Variants in CSMD2 observed in about 807,000 individuals in gnomAD.
CSMD2 encodes CUB and Sushi multiple domains 2.
Under a neutral mutation model 398.5 loss-of-function variants are expected in CSMD2, and 130 were observed. That is an observed-to-expected ratio of 0.33 (90% CI 0.28 to 0.38). CSMD2 has a LOEUF of 0.38. CSMD2 is among the 10% of genes least tolerant of loss of function. The pLI, the probability that CSMD2 is intolerant of heterozygous loss-of-function variation, is 1.00. For missense variants in CSMD2, 3,829 were observed against 4,764.9 expected, an observed-to-expected ratio of 0.80 and a Z score of 5.78; for synonymous variants, 1,828 against 1,908.5, an observed-to-expected ratio of 0.96 and a Z score of 1.10.
Position 33,709,115 on chromosome 1 carries a change from C to T in CSMD2, c.3550G>A (p.Glu1184Lys), listed in dbSNP as rs771073052. The change falls in exon 22 of 71, where the codon GAA (glutamate) becomes AAA (lysine). Residue 1184 changes from glutamate (E) to lysine (K), a missense_variant. By Grantham distance (56) the Glu-to-Lys change is moderately conservative. This residue lies in a region of CSMD2 where 2,001 missense variants were observed against 2,567.1 expected (regional missense o/e 0.78). Coordinates refer to ENST00000373381, the MANE Select transcript of CSMD2 (RefSeq NM_001281956.2). ...TTGAGGACATCTCCTTCGGAGAGTT[C>T]GAATGCCCTGGCTTTCAGCTGAATT... ...KGIQLKARAF[E>K]LSEGDVLKVY... 4.3e-6 allele frequency: 7 copies of T among 1,613,542 alleles called. No individual in the cohort carries two copies. Among genetic ancestry groups the T allele is most frequent in the Non-Finnish European group, 4.2e-6 (5 of 1,179,802 alleles).
intron 4 of CSMD2, among the ~76,000 whole-genome samples, chr1:33,919,664 T>C (rs1238364512): frequency 1.3e-5 from 2 of 152,158 alleles, no homozygotes; most frequent in African/African-American, 4.8e-5. Flanking sequence ...AAAAGCTTGA[T>C]TTCCTCTCTG....
At chr1:33,879,577 G>T (rs183005190) in intron 5 of CSMD2, among the ~76,000 whole-genome samples, 1 of 152,186 alleles carries the variant, frequency 6.6e-6, no homozygotes, top group Non-Finnish European at 1.5e-5. Flanking sequence ...AAAAATGCCA[G>T]TCCTGATGAG....
chr1:33,635,155 T>G lies in CSMD2; in HGVS notation c.5086+59A>C. 9.3e-7 allele frequency: 1 copy of G among 1,075,290 alleles called. No homozygotes were observed. Among genetic ancestry groups the G allele is most frequent in the Non-Finnish European group, 1.4e-6 (1 of 706,280 alleles). 66.6% of individuals were successfully genotyped at this position (1,075,290 alleles called of 1,614,324 possible). On this transcript the variant is annotated intron_variant, in intron 31 of 70. Coordinates refer to ENST00000373381, the MANE Select transcript of CSMD2 (RefSeq NM_001281956.2). The surrounding 1 kb of genome is among the most constrained non-coding windows in gnomAD (Gnocchi z 5.0). The stretch of plus-strand genomic sequence containing the variant: ...TGGGAGGCGTCTGAGGAATTGCTCA[T>G]TTTGGAATGAGGGTGAGGAGTCAGA...
Position 33,523,568 on chromosome 1 carries a change from G to A in CSMD2, c.10397-149C>T, listed in dbSNP as rs1654501881. ...CTCCACATCCCTTTAAGTCGTAAGT[G>A]TAGTGTTGAGTGTGGGTTTGTGTAG... On this transcript the variant is annotated intron_variant, in intron 66 of 70. Transcript: ENST00000373381. 8 of 588,492 alleles carry A rather than the reference G, an allele frequency of 1.4e-5. No homozygotes were observed. In the East Asian group the frequency reaches 2.3e-4, roughly 17 times the overall value. The allele number at this position is 588,492 out of a possible 1,614,324, so 36.5% of individuals were successfully genotyped here. A position where few individuals can be genotyped will look rare whatever the true frequency, so the allele number is the denominator to read the frequency against.
chr1:33,782,641 G>A, intron 12 of CSMD2, among the ~76,000 whole-genome samples: 1 of 152,070 alleles, frequency 6.6e-6, no homozygotes, highest in Non-Finnish European at 1.5e-5. Flanking sequence ...GAATTGAGAG[G>A]GTGCTGAGGA....
chr1:34,011,783 AG>A (rs1290137327), intron 3 of CSMD2, among the ~76,000 whole-genome samples: 1 of 152,180 alleles, frequency 6.6e-6, no homozygotes, highest in African/African-American at 2.4e-5. Context: ...TATTGACTAT[AG>A]TTACCCTGTT....
intron 2 of CSMD2, among the ~76,000 whole-genome samples, chr1:34,074,776 T>C (rs1656130589): frequency 6.6e-6 from 1 of 151,960 alleles, no homozygotes; most frequent in South Asian, 2.1e-4. Flanking sequence ...GGTGAATGCA[T>C]GGTAATCTGA....
In CSMD2 at chr1:33,633,402, A is replaced by G; in HGVS notation, c.5200+20T>C. On this transcript the variant is annotated intron_variant, in intron 32 of 70. Transcript: ENST00000373381. The surrounding 1 kb of genome is among the most constrained non-coding windows in gnomAD (Gnocchi z 5.0). ...GCCCCCGGCCCACAACCATCCCCAC[A>G]CTGGCCGAGCCCCGGATACCTGTAT... The G allele has an allele frequency of 6.5e-7, 1 of 1,533,600 alleles. No individual in the cohort carries two copies. The highest frequency in any genetic ancestry group is 8.8e-7 in the Non-Finnish European group (1 of 1,131,836). 95.0% of individuals were successfully genotyped at this position (1,533,600 alleles called of 1,614,324 possible).
chr1:34,069,118 A>AC (rs1299931387), intron 2 of CSMD2, among the ~76,000 whole-genome samples: 1 of 151,912 alleles, frequency 6.6e-6, no homozygotes, highest in Non-Finnish European at 1.5e-5. Flanking sequence ...TTCATCTTGC[A>AC]CCCCCCAGGG....
At chr1:33,565,448 A>G (rs1440704808) in intron 53 of CSMD2, among the ~76,000 whole-genome samples, 1 of 152,188 alleles carries the variant, frequency 6.6e-6, no homozygotes, top group Admixed American at 6.5e-5. Context: ...ACCACACACA[A>G]AACCTTATAT....
At chr1:34,022,972 C>T (rs139435542) in intron 3 of CSMD2, among the ~76,000 whole-genome samples, 35 of 152,234 alleles carry the variant, frequency 2.3e-4, no homozygotes, top group African/African-American at 6.5e-4. Context: ...GGTAGGGCTA[C>T]GGGTACATAC....
chr1:33,873,819 A>T (rs1640641594), intron 5 of CSMD2: 1 of 152,220 alleles, frequency 6.6e-6, no homozygotes, highest in Non-Finnish European at 1.5e-5. Flanking sequence ...TAAGCTTTGG[A>T]GTAATATGTG....
chr1:33,600,646 T>G, intron 44 of CSMD2: 1 of 583,402 alleles, frequency 1.7e-6, no homozygotes, highest in Non-Finnish European at 3.0e-6. Context: ...GCCCTGGCAG[T>G]GTGGAATAGG....
rs1646978869 is a variant in CSMD2 at position 33,739,227 on chromosome 1, A to C, written c.2281T>G (p.Phe761Val). The C allele has an allele frequency of 1.2e-6, 2 of 1,614,216 alleles. No individual in the cohort carries two copies. The highest frequency in any genetic ancestry group is 1.7e-6 in the Non-Finnish European group (2 of 1,180,038). The change falls in exon 15 of 71, where the codon TTC becomes GTC. Residue 761 changes from phenylalanine (F) to valine (V), a missense_variant. By Grantham distance (50) the Phe-to-Val change is conservative (BLOSUM62 -1). Transcript: ENST00000373381. ...GTCTCTGAGCCCTGAGTCCCAAGGA[A>C]GCCTTCATCACAGAGGAAGGAGATG... Reference protein sequence around the residue: ...SSISFLCDEGFLGTQGSETIT... With the variant: ...SSISFLCDEGVLGTQGSETIT...
chr1:33,779,908 G>T (rs1652495031), intron 12 of CSMD2, among the ~76,000 whole-genome samples: 1 of 152,178 alleles, frequency 6.6e-6, no homozygotes, highest in African/African-American at 2.4e-5. Context: ...GAGGCATGAT[G>T]GGGGAGGATG....
chr1:33,761,116 T>C (rs1649764038), intron 13 of CSMD2, among the ~76,000 whole-genome samples: 1 of 152,192 alleles, frequency 6.6e-6, no homozygotes, highest in Admixed American at 6.5e-5. Context: ...GGAGAGGCAC[T>C]GTCAGCTGCA....
At chr1:33,951,933 C>T (rs1645020173) in intron 3 of CSMD2, among the ~76,000 whole-genome samples, 1 of 152,200 alleles carries the variant, frequency 6.6e-6, no homozygotes, top group African/African-American at 2.4e-5. Flanking sequence ...TTGTGATTTT[C>T]ATCATCTGGC....
At chr1:34,133,392 A>G (rs1638352479) in intron 1 of CSMD2, among the ~76,000 whole-genome samples, 1 of 152,176 alleles carries the variant, frequency 6.6e-6, no homozygotes, top group Non-Finnish European at 1.5e-5. Context: ...GCACTCTGGG[A>G]GGCTCAGGTG....
chr1:34,113,349 A>T (rs543161474), intron 1 of CSMD2, among the ~76,000 whole-genome samples: 18 of 152,356 alleles, frequency 1.2e-4, no homozygotes, highest in African/African-American at 3.8e-4. Context: ...GACTCCTGAC[A>T]GTTGTCACAG....
Sources: allele counts gnomAD v4.1 joint callset (sites outside exome capture counted in the v4.1 genomes callset), GRCh38; gene constraint gnomAD v4.1.1; regional missense constraint gnomAD v4.1.1; non-coding constraint Gnocchi (gnomAD v3.1); transcripts MANE v1.5; gene names NCBI Gene and HGNC (gene_info 2026-07-23, HGNC 2026-07-21).